Variants in ITFG2 observed in about 807,000 individuals in gnomAD.
The protein encoded by ITFG2 is KICSTOR complex protein ITFG2.
In ITFG2, 36 loss-of-function variants were observed where a neutral mutation model predicts 54.4. That is an observed-to-expected ratio of 0.66 (90% CI 0.51 to 0.87). The LOEUF (loss-of-function observed/expected upper bound fraction) is 0.87. Ranked by LOEUF, ITFG2 falls within the 40% of genes least tolerant of loss-of-function variation. The pLI, the probability that ITFG2 is intolerant of heterozygous loss-of-function variation, is 0.00. For synonymous variants in ITFG2, 211 were observed against 225.4 expected (o/e 0.94, Z 0.57); for missense variants, 524 against 576.7 (o/e 0.91, Z 0.94).
intron 4 of ITFG2, among the ~76,000 whole-genome samples, chr12:2,818,878 C>G (rs2097931645): frequency 6.6e-6 from 1 of 151,830 alleles, no homozygotes; most frequent in Non-Finnish European, 1.5e-5. Context: ...AGTAGCCAGG[C>G]ATGGTGGCAG....
intron 2 of ITFG2, among the ~76,000 whole-genome samples, chr12:2,847,380 C>G (rs888681799): frequency 5.3e-5 from 8 of 152,194 alleles, no homozygotes; most frequent in African/African-American, 1.9e-4. Flanking sequence ...AACTCCCGGC[C>G]AGACGCGGTG....
At chr12:2,819,202 C>T (rs1603482853) in intron 4 of ITFG2, among the ~76,000 whole-genome samples, 3 of 152,190 alleles carry the variant, frequency 2.0e-5, no homozygotes, top group South Asian at 2.1e-4. Context: ...CGGTGGCTCA[C>T]GCCTGTAATC....
chr12:2,813,683 T>C (rs932333045), intron 1 of ITFG2, among the ~76,000 whole-genome samples: 16 of 152,188 alleles, frequency 1.1e-4, no homozygotes, highest in Admixed American at 2.6e-4. Context: ...AAGCACTGTA[T>C]TGCCCCCTTC....
At chr12:2,837,244 G>A (rs1368832113) in intron 1 of ITFG2, among the ~76,000 whole-genome samples, 2 of 152,146 alleles carry the variant, frequency 1.3e-5, no homozygotes, top group African/African-American at 4.8e-5. Context: ...TTGGGAGGCC[G>A]AGGCAGGCGG....
At chr12:2,828,505 C>T, downstream of ITFG2, 1 of 991,732 alleles carries the variant, frequency 1.0e-6, no homozygotes, top group Non-Finnish European at 1.6e-6. Flanking sequence ...TGATGATTCC[C>T]TCCTAGAAAT....
intron 1 of ITFG2, among the ~76,000 whole-genome samples, chr12:2,839,337 TC>T (rs541909737): frequency 5.9e-5 from 9 of 152,156 alleles, no homozygotes; most frequent in Admixed American, 3.3e-4. Context: ...TCCATTGGTC[TC>T]TAATAATGAG....
chr12:2,847,660 G>C (rs1241499139), intron 2 of ITFG2, among the ~76,000 whole-genome samples: 2 of 122,214 alleles, frequency 1.6e-5, no homozygotes, highest in South Asian at 2.9e-4. Flanking sequence ...GAGTAAGACT[G>C]TCCAAAAAAA....
At chr12:2,822,020 T>G (rs2097947132) in intron 9 of ITFG2, among the ~76,000 whole-genome samples, 1 of 151,232 alleles carries the variant, frequency 6.6e-6, no homozygotes, top group South Asian at 2.1e-4. Context: ...CCTTTTCTGC[T>G]AGACTGAAGC....
At chr12:2,815,514 G>T (rs1475206217) in intron 1 of ITFG2, among the ~76,000 whole-genome samples, 2 of 152,246 alleles carry the variant, frequency 1.3e-5, no homozygotes, top group Non-Finnish European at 2.9e-5. Context: ...ATCCTTTGTG[G>T]TTCCCACATA....
At chr12:2,828,294 C>A (rs2097980231), downstream of ITFG2, 3 of 1,569,106 alleles carry the variant, frequency 1.9e-6, no homozygotes, top group East Asian at 6.7e-5. Flanking sequence ...CAAAAAGAAA[C>A]CCTGTCCCCC....
chr12:2,821,416 G>C, intron 7 of ITFG2, 57 bp downstream of exon 7: 1 of 1,552,200 alleles, frequency 6.4e-7, no homozygotes, highest in Admixed American at 1.8e-5. Flanking sequence ...AGTTCTGGAG[G>C]AGTGGAGATC....
chr12:2,821,513 CT>C lies in ITFG2; in HGVS notation c.794-27del, dbSNP rs779534411. 4.3e-6 allele frequency: 7 copies of C among 1,613,390 alleles called. No homozygotes were observed. The East Asian group carries it at 1.6e-4, about 36-fold the overall frequency. On this transcript the variant is annotated intron_variant, in intron 7 of 11. Transcript: ENST00000228799. ...CCGTAGGCTCTGACCTTGCCCTGCC[CT>C]TTACATATTCTTCCTCTGGTCCTCA... is the stretch of plus-strand genomic sequence containing the variant.
upstream of ITFG2, among the ~76,000 whole-genome samples, chr12:2,834,251 C>G (rs941306307): frequency 6.6e-6 from 1 of 152,148 alleles, no homozygotes; most frequent in African/African-American, 2.4e-5. Context: ...GTCTGGGGAA[C>G]CTGTGGTTCG....
intron 2 of ITFG2, among the ~76,000 whole-genome samples, chr12:2,842,468 G>A (rs1034822876): frequency 4.6e-5 from 7 of 152,012 alleles, no homozygotes; most frequent in African/African-American, 1.7e-4. Flanking sequence ...TAGGCCGGGT[G>A]TGGTGGCTCA....
chr12:2,853,965 A>G lies in ITFG2; in HGVS notation n.301-4047A>G, dbSNP rs544490113. ...CATGAGGCCTTCCTGTGGCGGGGAC[A>G]CTCCAGGTCGCTGCACCCCTTCTCT... On this transcript the variant is annotated intron_variant and non_coding_transcript_variant, in intron 2 of 3. Coordinates refer to the ITFG2 transcript ENST00000537710. Among the ~76,000 whole-genome samples, 9 of 151,912 alleles carry G rather than the reference A, an allele frequency of 5.9e-5. No homozygotes were observed. In the East Asian group the frequency reaches 1.6e-3, roughly 26 times the overall value.
chr12:2,818,001 G>A, intron 3 of ITFG2, 51 bp downstream of exon 3: 1 of 1,610,904 alleles, frequency 6.2e-7, no homozygotes, highest in Non-Finnish European at 8.5e-7. Context: ...GTGGAAATCA[G>A]TTGAAGGTTA....
chr12:2,819,586 G>A (rs1340667126), intron 4 of ITFG2: 1 of 151,884 alleles, frequency 6.6e-6, no homozygotes, highest in African/African-American at 2.4e-5. Flanking sequence ...AGCCAAGATT[G>A]TGCCACTGCA....
chr12:2,820,746 T>A lies in ITFG2; in HGVS notation c.569T>A (p.Leu190Gln), dbSNP rs573983315. The change falls in exon 6 of 12, where the codon CTG becomes CAG. Residue 190 changes from leucine (L) to glutamine (Q), a missense_variant. By Grantham distance (113) the Leu-to-Gln change is moderately radical (BLOSUM62 -2). Transcript: ENST00000228799. The stretch of plus-strand genomic sequence containing the variant: ...CAGGTGGACAGCCTCTCAGTGACTC[T>A]GGGGCCACTGGGTCTTCCTGAACTG... ...EGQVDSLSVT[L>Q]GPLGLPELMV... 6.8e-6 allele frequency: 11 copies of A among 1,613,382 alleles called. No homozygotes were observed. The East Asian group carries it at 2.2e-4, about 33-fold the overall frequency.
rs1402026072 is a variant in ITFG2, at chr12:2,849,267, T to C, written n.300+8272T>C. 2.6e-6 allele frequency: 4 copies of C among 1,536,004 alleles called. No individual in the cohort carries two copies. The African/African-American group carries it at 4.1e-5, about 16-fold the overall frequency. On this transcript the variant is annotated intron_variant and non_coding_transcript_variant, in intron 2 of 3. Transcript: ENST00000537710. ...CAGGTCTTCTCTTCCTCTTCCTTGC[T>C]GGGGATTTGCTTGCTTGTGCCTTGG...
Sources: gnomAD v4.1 joint callset for allele counts (sites outside exome capture counted in the v4.1 genomes callset) on GRCh38, gnomAD v4.1.1 for gene constraint, MANE v1.5 for transcripts, NCBI Gene and HGNC (gene_info 2026-07-23, HGNC 2026-07-21) for gene names.